The following C2 variants were observed in gnomAD, a reference collection of about 807,000 sequenced individuals.
C2 encodes the protein complement C2.
Under a neutral mutation model 85.2 loss-of-function variants are expected in C2, and 64 were observed. That is an observed-to-expected ratio of 0.75 (90% CI 0.61 to 0.92). The LOEUF (loss-of-function observed/expected upper bound fraction) is 0.92, where lower values mean the gene tolerates loss of function less well. Among genes scored for constraint, C2 ranks in the 40% least tolerant of loss-of-function variants. The pLI is 0.00. For missense variants in C2, 820 were observed against 971.6 expected (o/e 0.84, Z 2.07); for synonymous variants, 311 against 370.8 (o/e 0.84, Z 1.85).
chr6:31,902,991 C>T (rs1767468517), intron 1 of C2, among the ~76,000 whole-genome samples: 1 of 152,178 alleles, frequency 6.6e-6, no homozygotes, highest in Admixed American at 6.5e-5. Flanking sequence ...CAAAACTTCC[C>T]TTCAACACTG....
chr6:31,944,035 G>T lies in C2; in HGVS notation c.1810+42G>T. 1.9e-6 allele frequency: 3 copies of T among 1,605,630 alleles called. No individual in the cohort carries two copies. The highest frequency in any genetic ancestry group is 1.7e-6 in the Non-Finnish European group (2 of 1,173,278). On this transcript the variant is annotated intron_variant, in intron 14 of 17. Coordinates refer to ENST00000299367, the MANE Select transcript of C2 (RefSeq NM_000063.6). The surrounding 1 kb of genome is among the most constrained non-coding windows in gnomAD (Gnocchi z 5.1). ...ATGGTGCTTGAGAGCTGGGGCCGGG[G>T]TTTGGGGGTGATAACAAGGACTAGG...
chr6:31,939,262 A>G lies in C2; in HGVS notation c.1161A>G (p.Thr387=). 1 of 1,612,648 alleles carries G rather than the reference A, an allele frequency of 6.2e-7. No individual in the cohort carries two copies. Among genetic ancestry groups the G allele is most frequent in the Non-Finnish European group, 8.5e-7 (1 of 1,179,854 alleles). ...CCAATATGGGTGGCTCTCCCAAGAC[A>G]GCTGTTGACCATATCAGAGAGATCC... ...GKSNMGGSPK[T]AVDHIREILN... is the part of the protein sequence containing the mutation. Residue 387 remains threonine, a synonymous_variant, in exon 9 of 18, where the codon ACA becomes ACG. Transcript: ENST00000299367.
chr6:31,925,156 A>C (rs1303483093), upstream of C2, among the ~76,000 whole-genome samples: 2 of 152,240 alleles, frequency 1.3e-5, no homozygotes, highest in Non-Finnish European at 2.9e-5. Flanking sequence ...TATGAGAAAG[A>C]ATAAATCATT....
chr6:31,900,228 T>C, upstream of C2: 2 of 1,614,078 alleles, frequency 1.2e-6, no homozygotes, highest in Admixed American at 3.3e-5. The surrounding 1 kb of genome is among the most constrained non-coding windows in gnomAD (Gnocchi z 9.7). Flanking sequence ...CGAGGGCACA[T>C]GAAGATGAAG....
At chr6:31,937,222 AT>A (rs1554281496) in intron 7 of C2, 96 bp from the exon 8 acceptor site, 37 of 1,347,856 alleles carry the variant, frequency 2.7e-5, no homozygotes, top group Non-Finnish European at 3.4e-5. Context: ...AAAAAAAAAA[AT>A]TGCATTTCCA....
In C2 at chr6:31,935,949, C is replaced by T. The variant is rs367795640; in HGVS notation, c.876C>T (p.Ser292=). 2.0e-5 allele frequency: 33 copies of T among 1,612,998 alleles called. No homozygotes were observed. Among genetic ancestry groups the T allele is most frequent in the African/African-American group, 1.9e-4 (14 of 75,014 alleles). ...DRIFSFEINV[S]VAIITFASEP... The stretch of plus-strand genomic sequence containing the variant: ...TCTTCAGCTTTGAGATCAATGTGAG[C>T]GTTGCCATTATCACCTTTGCCTCAG... The change falls in exon 7 of 18, where the codon AGC becomes AGT. Residue 292 remains serine, a synonymous_variant. Transcript: ENST00000299367. The surrounding 1 kb of genome is among the most constrained non-coding windows in gnomAD (Gnocchi z 4.3).
At chr6:31,937,240 G>T in intron 7 of C2, 79 bp from the exon 8 acceptor site, 2 of 1,404,778 alleles carry the variant, frequency 1.4e-6, no homozygotes, top group Non-Finnish European at 2.0e-6. Flanking sequence ...TCCAATAATT[G>T]GGGGAATAGA....
upstream of C2, chr6:31,927,423 C>CTGCGTGTTTGTGAGCA (rs1411634600): frequency 8.3e-7 from 1 of 1,209,292 alleles, no homozygotes; most frequent in Non-Finnish European, 1.1e-6. The surrounding 1 kb of genome is among the most constrained non-coding windows in gnomAD (Gnocchi z 4.7). Context: ...ATGTGTTTGC[C>CTGCGTGTTTGTGAGCA]TGCGTGTTTG....
intron 3 of C2, among the ~76,000 whole-genome samples, chr6:31,931,720 C>G (rs1469327161): frequency 6.6e-6 from 1 of 152,176 alleles, no homozygotes; most frequent in Non-Finnish European, 1.5e-5. Flanking sequence ...ACCTTTCCCC[C>G]CTTTCTATTC....
chr6:31,902,409 C>T (rs1391822874), intron 1 of C2, among the ~76,000 whole-genome samples: 2 of 152,030 alleles, frequency 1.3e-5, no homozygotes, highest in Non-Finnish European at 2.9e-5. Flanking sequence ...GCAGCGCGCG[C>T]GCGCACCCGT....
Position 31,933,948 on chromosome 6 carries a change from C to T in C2, c.698C>T (p.Pro233Leu). The T allele has an allele frequency of 6.2e-7, 1 of 1,613,706 alleles. No individual in the cohort carries two copies. The highest frequency in any genetic ancestry group is 8.5e-7 in the Non-Finnish European group (1 of 1,179,574). The change falls in exon 5 of 18, where the codon CCC becomes CTC. Residue 233 changes from proline (P) to leucine (L), a missense_variant. Pro to Leu is a moderately conservative substitution (Grantham distance 98). Transcript: ENST00000299367. ...TCCCACATGCTTGGGGCCACCAATCCCACCCAGAAGACAAAGGGTGAGTGT... is the reference window on the plus strand; with the variant it reads ...TCCCACATGCTTGGGGCCACCAATCTCACCCAGAAGACAAAGGGTGAGTGT... The part of the protein sequence containing the change: ...SFSHMLGATN[P>L]TQKTKESLGR...
Position 31,928,115 on chromosome 6 carries a change from G to A in C2, c.207G>A (p.Gln69=), listed in dbSNP as rs376686530. 5.1e-5 allele frequency: 82 copies of A among 1,613,672 alleles called. No individual in the cohort carries two copies. In the African/African-American group the frequency reaches 8.5e-4, roughly 17 times the overall value. The change falls in exon 2 of 18, where the codon CAG becomes CAA. Residue 69 remains glutamine (Q), a synonymous_variant. Transcript: ENST00000299367. ...CACGGCTGTGCAAGAGCAGCGGACA[G>A]TGGCAGACCCCAGGAGCCACCCGGT... The part of the protein sequence containing the change: ...PASRLCKSSG[Q]WQTPGATRSL...
upstream of C2, chr6:31,900,343 A>C (rs773772154): frequency 1.9e-6 from 3 of 1,609,468 alleles, no homozygotes; most frequent in Admixed American, 3.3e-5. The surrounding 1 kb of genome is among the most constrained non-coding windows in gnomAD (Gnocchi z 9.7). Context: ...AGAAGCCCCC[A>C]GGCAGGGGTC....
intron 9 of C2, among the ~76,000 whole-genome samples, chr6:31,942,690 G>A (rs936275958): frequency 6.6e-6 from 1 of 152,182 alleles, no homozygotes; most frequent in African/African-American, 2.4e-5. Flanking sequence ...GGGGGGAGGA[G>A]TGAACTAGGC....
rs1768993073 is a variant in C2, at chr6:31,921,812, C to A, written c.-100+1786C>A. Among the ~76,000 whole-genome samples, 1 of 152,238 alleles carries A rather than the reference C, an allele frequency of 6.6e-6. No individual in the cohort carries two copies. Among genetic ancestry groups the A allele is most frequent in the South Asian group, 2.1e-4 (1 of 4,814 alleles). On this transcript the variant is annotated intron_variant, in intron 1 of 3. Coordinates refer to the C2 transcript ENST00000413154. This position sits in a 1 kb window ranked among gnomAD's most constrained non-coding sequence, Gnocchi z 4.6. ...GTCCTGCTAATATGAAGTCTTCCTC[C>A]CCCAGAAGCAGACCTGGAGACAAGG...
intron 7 of C2, chr6:31,936,710 T>C (rs1770450155): frequency 6.3e-6 from 1 of 159,062 alleles, no homozygotes; most frequent in Non-Finnish European, 1.4e-5. Context: ...GGTTTCACTA[T>C]GTTGGTCAGG....
rs750536670 is a variant in C2 at position 31,933,936 on chromosome 6, G to A, written c.686G>A (p.Gly229Glu). The A allele has an allele frequency of 2.5e-5, 41 of 1,613,994 alleles. No individual in the cohort carries two copies. In the South Asian group the frequency reaches 4.4e-4, roughly 17 times the overall value. ...ALGTSFSHML[G>E]ATNPTQKTKE... ...GGCACTTCCTTCTCCCACATGCTTG[G>A]GGCCACCAATCCCACCCAGAAGACA... Residue 229 changes from glycine to glutamate, a missense_variant, in exon 5 of 18, where the codon GGG becomes GAG. By Grantham distance (98) the Gly-to-Glu change is moderately conservative. Transcript: ENST00000299367.
At chr6:31,941,302 G>A (rs1379162032) in intron 9 of C2, 1 of 152,144 alleles carries the variant, frequency 6.6e-6, no homozygotes, top group Non-Finnish European at 1.5e-5. Flanking sequence ...AAGGCTCTTG[G>A]GAAGAATTCT....
At chr6:31,915,642 T>C (rs1360794224), upstream of C2, among the ~76,000 whole-genome samples, 2 of 152,222 alleles carry the variant, frequency 1.3e-5, no homozygotes, top group Non-Finnish European at 2.9e-5. Flanking sequence ...CTGATCATCA[T>C]AGTCACTCAG....
Sources: allele counts gnomAD v4.1 joint callset (sites outside exome capture counted in the v4.1 genomes callset), GRCh38; gene constraint gnomAD v4.1.1; non-coding constraint Gnocchi (gnomAD v3.1); transcripts MANE v1.5; gene names NCBI Gene and HGNC (gene_info 2026-07-23, HGNC 2026-07-21).